DPRX: variants seen among roughly 807,000 people sequenced by gnomAD.
DPRX encodes the protein divergent-paired related homeobox.
A neutral mutation model predicts 8.4 loss-of-function variants in DPRX; 11 were observed. The observed-to-expected ratio is 1.31, with a 90% CI of 0.82 to 2.17. The LOEUF (loss-of-function observed/expected upper bound fraction) is 2.17, where lower values mean the gene tolerates loss of function less well. DPRX is among the 30% of genes most tolerant of loss of function. DPRX has a pLI of 0.00. For synonymous variants in DPRX, 72 were observed against 87.0 expected (o/e 0.83, Z 0.96); for missense variants, 211 against 236.7 (o/e 0.89, Z 0.71).
At chr19:53,618,059 G>A in the DPRX span, among the ~76,000 whole-genome samples, 12 of 151,334 alleles carry the variant, frequency 7.9e-5, no homozygotes, top group East Asian at 1.9e-4. Flanking sequence ...GGAGAATCAC[G>A]TGAACCTGGG....
the DPRX span, among the ~76,000 whole-genome samples, chr19:53,618,766 T>C: frequency 2.3e-4 from 35 of 150,436 alleles, 1 homozygote; most frequent in African/African-American, 8.3e-4. Flanking sequence ...CACTGCAACC[T>C]CCACCTCCCA....
At chr19:53,626,720 C>T in the DPRX span, among the ~76,000 whole-genome samples, 4 of 152,054 alleles carry the variant, frequency 2.6e-5, no homozygotes, top group African/African-American at 7.2e-5. Flanking sequence ...GCACTCTGTT[C>T]GACATCTTTT....
chr19:53,610,972 G>A, the DPRX span, among the ~76,000 whole-genome samples: 7 of 151,540 alleles, frequency 4.6e-5, no homozygotes, highest in South Asian at 4.2e-4. Flanking sequence ...GGACCATCTC[G>A]GCTCAATGAA....
the DPRX span, among the ~76,000 whole-genome samples, chr19:53,614,525 C>T: frequency 1.4e-4 from 21 of 151,800 alleles, no homozygotes; most frequent in Non-Finnish European, 2.6e-4. Context: ...ATAGCGAGAC[C>T]CTCATCTCTC....
chr19:53,621,300 T>A, the DPRX span, among the ~76,000 whole-genome samples: 1 of 152,060 alleles, frequency 6.6e-6, no homozygotes, highest in East Asian at 1.9e-4. Context: ...GCCCGGCTAA[T>A]TTTTTTATTT....
the DPRX span, among the ~76,000 whole-genome samples, chr19:53,611,420 A>T: frequency 6.6e-6 from 1 of 151,776 alleles, no homozygotes; most frequent in Non-Finnish European, 1.5e-5. Context: ...TTTGGTACAG[A>T]TGGGGTTTTG....
chr19:53,604,304 C>A, the DPRX span: 1 of 152,772 alleles, frequency 6.5e-6, no homozygotes, highest in Non-Finnish European at 1.5e-5. Flanking sequence ...GTACTCCTCC[C>A]ACTCCTGTAT....
the DPRX span, among the ~76,000 whole-genome samples, chr19:53,620,008 G>A: frequency 6.6e-6 from 1 of 152,094 alleles, no homozygotes; most frequent in East Asian, 1.9e-4. Context: ...GGACATTTCT[G>A]TGCCAAATTT....
chr19:53,624,357 G>T, the DPRX span, among the ~76,000 whole-genome samples: 1 of 151,350 alleles, frequency 6.6e-6, no homozygotes, highest in African/African-American at 2.4e-5. Flanking sequence ...CCAAAGGGCT[G>T]GGATTACAGG....
chr19:53,602,537 T>A, the DPRX span, among the ~76,000 whole-genome samples: 1 of 133,550 alleles, frequency 7.5e-6, no homozygotes, highest in African/African-American at 2.7e-5. Flanking sequence ...TTTTTTGTAT[T>A]TTTTTTTTTT....
chr19:53,617,885 G>A, the DPRX span, among the ~76,000 whole-genome samples: 212 of 151,836 alleles, frequency 1.4e-3, no homozygotes, highest in Non-Finnish European at 2.1e-3. Flanking sequence ...CACTTCTGTA[G>A]TCCCAGCACT....
the DPRX span, among the ~76,000 whole-genome samples, chr19:53,607,487 G>C: frequency 5.9e-5 from 9 of 152,168 alleles, no homozygotes; most frequent in Admixed American, 5.9e-4. Flanking sequence ...AGAGGCTGCA[G>C]TGAGCCATGA....
At chr19:53,630,488 G>A (rs991935529), upstream of DPRX, among the ~76,000 whole-genome samples, 25 of 152,112 alleles carry the variant, frequency 1.6e-4, no homozygotes, top group African/African-American at 6.0e-4. Context: ...GGAGGTTAAG[G>A]CTGCATTGAG....
chr19:53,632,227 A>G, intron 1 of DPRX, 93 bp downstream of exon 1: 2 of 1,573,570 alleles, frequency 1.3e-6, no homozygotes, highest in Middle Eastern at 1.7e-4. Context: ...AGGCGGCCGA[A>G]GCTGGTGCTT....
At chr19:53,632,211 G>A in intron 1 of DPRX, 77 bp downstream of exon 1, 1 of 1,604,846 alleles carries the variant, frequency 6.2e-7, no homozygotes, top group Non-Finnish European at 8.5e-7. Flanking sequence ...AAAAGGCAGA[G>A]GGACCAGGCG....
At chr19:53,622,550 G>A in the DPRX span, among the ~76,000 whole-genome samples, 1 of 152,100 alleles carries the variant, frequency 6.6e-6, no homozygotes, top group African/African-American at 2.4e-5. Flanking sequence ...GCAACTTCCT[G>A]CTGGGCATGG....
the DPRX span, among the ~76,000 whole-genome samples, chr19:53,613,494 C>T: frequency 1.1e-3 from 168 of 151,544 alleles, no homozygotes; most frequent in Non-Finnish European, 2.0e-3. Flanking sequence ...ATTACGGGTG[C>T]GTGCCATCAT....
At chr19:53,617,982 A>G in the DPRX span, among the ~76,000 whole-genome samples, 2 of 151,992 alleles carry the variant, frequency 1.3e-5, no homozygotes, top group East Asian at 3.9e-4. Flanking sequence ...TACTAAAAAT[A>G]CAAAAATTAG....
At chr19:53,628,894 C>T (rs1395920425), upstream of DPRX, among the ~76,000 whole-genome samples, 1 of 151,664 alleles carries the variant, frequency 6.6e-6, no homozygotes, top group Non-Finnish European at 1.5e-5. Flanking sequence ...GGCCCCAAAA[C>T]ACTTTCCTAA....
Sources: allele counts gnomAD v4.1 joint callset (sites outside exome capture counted in the v4.1 genomes callset), GRCh38; gene constraint gnomAD v4.1.1; transcripts MANE v1.5; gene names NCBI Gene and HGNC (gene_info 2026-07-23, HGNC 2026-07-21).